Variants in ATP5PF observed in about 807,000 individuals in gnomAD.
ATP5PF encodes ATP synthase peripheral stalk subunit F6.
A neutral mutation model predicts 12.0 loss-of-function variants in ATP5PF; 7 were observed. The ratio of observed to expected loss-of-function variants is 0.58; its 90% CI spans 0.33 to 1.10. The LOEUF is 1.10. ATP5PF is among the 50% of genes least tolerant of loss of function. ATP5PF has a pLI of 0.03. For missense variants in ATP5PF, 120 were observed against 127.7 expected (o/e 0.94, Z 0.29); for synonymous variants, 41 against 45.4 (o/e 0.90, Z 0.39).
At chr21:25,725,964 C>T (rs1006352335) in intron 2 of ATP5PF, among the ~76,000 whole-genome samples, 2 of 152,186 alleles carry the variant, frequency 1.3e-5, no homozygotes, top group African/African-American at 4.8e-5. Context: ...GTTAAGTCTA[C>T]AGGCTCTGGA....
chr21:25,735,469 G>A (rs67572468), upstream of ATP5PF: 2,302 of 157,336 alleles, frequency 0.015, 61 homozygotes, highest in African/African-American at 0.053. Flanking sequence ...TTCTAGTCGC[G>A]GGAGCTGCAG....
At chr21:25,729,476 T>C (rs2034699828) in intron 2 of ATP5PF, among the ~76,000 whole-genome samples, 155 bp downstream of exon 2, 1 of 152,210 alleles carries the variant, frequency 6.6e-6, no homozygotes, top group Non-Finnish European at 1.5e-5. Flanking sequence ...TCAAGATCCT[T>C]ATCTTCTTTT....
intron 1 of ATP5PF, among the ~76,000 whole-genome samples, chr21:25,732,504 A>C (rs925000716): frequency 1.3e-5 from 2 of 151,650 alleles, no homozygotes; most frequent in African/African-American, 4.8e-5. Flanking sequence ...AAAATAGCCA[A>C]GTGCGGTGGT....
chr21:25,734,461 T>G, intron 1 of ATP5PF: 1 of 855,166 alleles, frequency 1.2e-6, no homozygotes, highest in Non-Finnish European at 1.4e-6. Context: ...TATGACTAAT[T>G]TTTTCCCTCT....
upstream of ATP5PF, chr21:25,735,145 T>C (rs1054746083): frequency 3.5e-5 from 23 of 661,540 alleles, no homozygotes; most frequent in South Asian, 3.9e-4. Flanking sequence ...CTTTTTCCCC[T>C]CCTTGAAACC....
chr21:25,732,039 C>T (rs1419993025), intron 1 of ATP5PF, among the ~76,000 whole-genome samples: 1 of 152,130 alleles, frequency 6.6e-6, no homozygotes, highest in African/African-American at 2.4e-5. Flanking sequence ...GAGAATGGCC[C>T]TTTACCACTC....
chr21:25,725,182 C>T (rs2034583905), intron 3 of ATP5PF, 44 bp downstream of exon 3: 5 of 1,574,414 alleles, frequency 3.2e-6, no homozygotes, highest in Non-Finnish European at 4.3e-6. Flanking sequence ...AAATATTCTT[C>T]ACTTATCCCC....
At chr21:25,732,059 G>A (rs2034795471) in intron 1 of ATP5PF, among the ~76,000 whole-genome samples, 1 of 152,170 alleles carries the variant, frequency 6.6e-6, no homozygotes, top group Non-Finnish European at 1.5e-5. Flanking sequence ...CAGAGTTTGA[G>A]CAGCACTAGC....
chr21:25,724,820 A>C, intron 3 of ATP5PF, 143 bp from the exon 4 acceptor site: 1 of 814,874 alleles, frequency 1.2e-6, no homozygotes, highest in East Asian at 2.8e-5. Context: ...ATATAGCTAA[A>C]CATTTATGCA....
intron 2 of ATP5PF, 89 bp downstream of exon 2, chr21:25,729,542 C>G (rs1036997341): frequency 6.2e-5 from 79 of 1,282,830 alleles, no homozygotes; most frequent in Non-Finnish European, 8.2e-5. Context: ...AGGTCTAATA[C>G]TTTCAAATAC....
chr21:25,725,235 T>C lies in ATP5PF; in HGVS notation c.280A>G (p.Lys94Glu), dbSNP rs2034586145. 6.2e-7 allele frequency: 1 copy of C among 1,606,204 alleles called. No homozygotes were observed. Among genetic ancestry groups the C allele is most frequent in the Non-Finnish European group, 8.5e-7 (1 of 1,178,298 alleles). ...GATTTATAAGACGTACCTTCAAATT[T>C]GAAGGTGGGAAATGTATTCATGTCT... ...NADMNTFPTF[K>E]FEDPKFEVIE... Residue 94 changes from lysine (K) to glutamate (E), a missense_variant, in exon 3 of 4, where the codon AAA (lysine) becomes GAA (glutamate). Physicochemically the swap from Lys to Glu is moderately conservative, Grantham distance 56. Coordinates refer to ENST00000284971, the MANE Select transcript of ATP5PF (RefSeq NM_001003703.2).
chr21:25,729,726 C>G lies in ATP5PF; in HGVS notation c.69G>C (p.Arg23Ser), dbSNP rs1010507611. Residue 23 changes from arginine to serine, a missense_variant, in exon 2 of 4, where the codon AGG becomes AGC. Coordinates refer to ENST00000284971, the MANE Select transcript of ATP5PF (RefSeq NM_001003703.2). ...IRSAVSVHLR[R>S]NIGVTAVAFN... ...ATGCCACTGCTGTAACACCAATGTT[C>G]CTCCGCAAATGGACTGAGACGGCTG... 3.7e-6 allele frequency: 6 copies of G among 1,612,718 alleles called. No individual in the cohort carries two copies. The African/African-American group carries it at 6.7e-5, about 18-fold the overall frequency.
At chr21:25,735,176 CTT>C (rs1009945830), upstream of ATP5PF, 2 of 607,892 alleles carry the variant, frequency 3.3e-6, no homozygotes, top group African/African-American at 1.8e-5. Flanking sequence ...CGCATGCGCT[CTT>C]TGAGTGGCCT....
At chr21:25,732,968 A>G (rs2034828808) in intron 1 of ATP5PF, among the ~76,000 whole-genome samples, 2 of 129,602 alleles carry the variant, frequency 1.5e-5, no homozygotes, top group Non-Finnish European at 1.6e-5. Flanking sequence ...CTGGGCAACA[A>G]GAGTGAAACT....
intron 2 of ATP5PF, among the ~76,000 whole-genome samples, chr21:25,725,566 A>C (rs1432552767): frequency 6.6e-6 from 1 of 152,028 alleles, no homozygotes; most frequent in African/African-American, 2.4e-5. Flanking sequence ...CAGCCTCCCA[A>C]GTAACTGGGA....
At chr21:25,729,412 A>G (rs561450786) in intron 2 of ATP5PF, among the ~76,000 whole-genome samples, 185 of 152,374 alleles carry the variant, frequency 1.2e-3, no homozygotes, top group Non-Finnish European at 2.3e-3. Flanking sequence ...CAATAAATTT[A>G]GTAGGATTTT....
chr21:25,734,562 C>T lies in ATP5PF; in HGVS notation c.-8+291G>A, dbSNP rs556958534. On this transcript the variant is annotated intron_variant, in intron 1 of 3. Coordinates refer to ENST00000284971, the MANE Select transcript of ATP5PF (RefSeq NM_001003703.2). The stretch of plus-strand genomic sequence containing the variant: ...CGAAAATCTCTCCCGCGCGCCTGAC[C>T]TTGGGTTGCCCCAGCCAGGCTGCGG... 13 of 443,574 alleles carry T rather than the reference C, an allele frequency of 2.9e-5. No individual in the cohort carries two copies. In the South Asian group the frequency reaches 7.1e-4, roughly 24 times the overall value. The allele number at this position is 443,574 out of a possible 1,614,324, so 27.5% of individuals were successfully genotyped here.
Position 25,725,338 on chromosome 21 carries a change from T to C in ATP5PF, c.177A>G (p.Gly59=). 6.2e-7 allele frequency: 1 copy of C among 1,600,790 alleles called. No individual in the cohort carries two copies. Among genetic ancestry groups the C allele is most frequent in the African/African-American group, 1.3e-5 (1 of 74,288 alleles). The stretch of plus-strand genomic sequence containing the variant: ...GATACTCTGAACTAGCATCAACAGG[T>C]CCTCCAGATGTCCTGTTAAGTAAAT... ...EYKSKRQTSG[G]PVDASSEYQQ... is the part of the protein sequence containing the mutation. The change falls in exon 3 of 4, where the codon GGA becomes GGG. Residue 59 remains glycine, a synonymous_variant. Coordinates refer to ENST00000284971, the MANE Select transcript of ATP5PF (RefSeq NM_001003703.2).
intron 1 of ATP5PF, among the ~76,000 whole-genome samples, chr21:25,730,738 A>C (rs201194433): frequency 0.065 from 3,068 of 47,462 alleles, 13 homozygotes; most frequent in East Asian, 0.18. Context: ...CCGTCTCACA[A>C]AAAAAAAAAA....
Sources: allele counts gnomAD v4.1 joint callset (sites outside exome capture counted in the v4.1 genomes callset), GRCh38; gene constraint gnomAD v4.1.1; transcripts MANE v1.5; gene names NCBI Gene and HGNC (gene_info 2026-07-23, HGNC 2026-07-21).